RNLS: variants seen among roughly 807,000 people sequenced by gnomAD.
RNLS encodes the protein renalase, FAD dependent amine oxidase.
A neutral mutation model predicts 39.8 loss-of-function variants in RNLS; 39 were observed. That is an observed-to-expected ratio of 0.98 (90% CI 0.76 to 1.28). RNLS has a LOEUF of 1.28. Among genes scored for constraint, RNLS ranks in the 50% most tolerant of loss-of-function variants. RNLS has a pLI of 0.00. For synonymous variants in RNLS, 147 were observed against 150.7 expected (o/e 0.98, Z 0.18); for missense variants, 410 against 413.3 (o/e 0.99, Z 0.07).
the RNLS span, among the ~76,000 whole-genome samples, chr10:88,213,524 G>C: frequency 6.6e-6 from 1 of 151,830 alleles, no homozygotes; most frequent in Non-Finnish European, 1.5e-5. Flanking sequence ...TTCTGATCAG[G>C]GCAGATATAA....
In RNLS at chr10:88,409,924, G is replaced by A. The variant is rs114193365; in HGVS notation, c.527-47199C>T. Among the ~76,000 whole-genome samples the A allele has an allele frequency of 2.3e-3, 343 of 152,188 alleles. 3 individuals carry two copies. Among genetic ancestry groups the A allele is most frequent in the African/African-American group, 6.8e-3 (284 of 41,536 alleles). On this transcript the variant is annotated intron_variant, in intron 4 of 6. Transcript: ENST00000331772. ...GGTCAGGAAACTTTTTCTGTAAAGTGTCAGACAGCAAATACTTTAGGCATT... is the reference window on the plus strand; with the variant it reads ...GGTCAGGAAACTTTTTCTGTAAAGTATCAGACAGCAAATACTTTAGGCATT...
At chr10:88,341,069 A>C (rs1177045896) in intron 5 of RNLS, among the ~76,000 whole-genome samples, 2 of 146,914 alleles carry the variant, frequency 1.4e-5, no homozygotes, top group African/African-American at 2.5e-5. Context: ...AAAAAAAAAA[A>C]AACAAAAAAC....
intron 6 of RNLS, among the ~76,000 whole-genome samples, chr10:88,307,973 A>G (rs535882798): frequency 6.6e-6 from 1 of 152,340 alleles, no homozygotes; most frequent in South Asian, 2.1e-4. Context: ...AGAACTCAGA[A>G]ATAAGGCCAC....
At chr10:88,203,294 A>G in the RNLS span, among the ~76,000 whole-genome samples, 550 of 5,850 alleles carry the variant, frequency 0.094, 96 homozygotes, top group Non-Finnish European at 0.14. Flanking sequence ...ATATATACGT[A>G]TGTATATATA....
intron 4 of RNLS, among the ~76,000 whole-genome samples, chr10:88,455,143 A>G (rs1210938984): frequency 2.6e-5 from 4 of 152,216 alleles, no homozygotes; most frequent in Admixed American, 6.5e-5. Flanking sequence ...ACTAAGTACT[A>G]TGGAGCCACA....
chr10:88,263,556 T>C, the RNLS span, among the ~76,000 whole-genome samples: 20 of 152,190 alleles, frequency 1.3e-4, no homozygotes, highest in African/African-American at 4.3e-4. Context: ...TTTCTTTTTC[T>C]TGAAGAGGGT....
At chr10:88,509,161 C>T (rs10887831) in intron 4 of RNLS, among the ~76,000 whole-genome samples, 27,172 of 151,920 alleles carry the variant, frequency 0.18, 2,756 homozygotes, top group Middle Eastern at 0.28. Context: ...AATGTTATGA[C>T]GCTAATAAAA....
intron 6 of RNLS, among the ~76,000 whole-genome samples, chr10:88,289,131 A>T (rs543983966): frequency 5.9e-5 from 9 of 152,310 alleles, no homozygotes; most frequent in African/African-American, 2.2e-4. Context: ...TTAGGCGATA[A>T]CTGGACTGGG....
intron 4 of RNLS, among the ~76,000 whole-genome samples, chr10:88,404,584 G>T (rs1436864758): frequency 2.0e-5 from 3 of 152,038 alleles, no homozygotes; most frequent in Non-Finnish European, 2.9e-5. Context: ...TAAGTTAGAA[G>T]ATGAGGAAAA....
chr10:88,350,826 G>A (rs992797674), intron 5 of RNLS, among the ~76,000 whole-genome samples: 1 of 152,158 alleles, frequency 6.6e-6, no homozygotes, highest in African/African-American at 2.4e-5. Flanking sequence ...CACAAGGGTT[G>A]AACTAGTTTA....
At chr10:88,555,453 T>G (rs551050415) in intron 4 of RNLS, among the ~76,000 whole-genome samples, 2 of 152,046 alleles carry the variant, frequency 1.3e-5, no homozygotes, top group Non-Finnish European at 2.9e-5. Flanking sequence ...TGAGCTCACA[T>G]GACAGCTGGT....
At chr10:88,542,383 T>C (rs1848091899) in intron 4 of RNLS, among the ~76,000 whole-genome samples, 1 of 152,138 alleles carries the variant, frequency 6.6e-6, no homozygotes, top group Admixed American at 6.6e-5. Context: ...CTTGAAAAAA[T>C]ATACCCTTGT....
intron 4 of RNLS, among the ~76,000 whole-genome samples, chr10:88,421,104 C>T (rs1322642319): frequency 6.6e-6 from 1 of 152,202 alleles, no homozygotes; most frequent in African/African-American, 2.4e-5. Context: ...AGGAACAAGC[C>T]TATCACTCTC....
At chr10:88,391,414 C>T (rs1445833730) in intron 4 of RNLS, among the ~76,000 whole-genome samples, 3 of 151,960 alleles carry the variant, frequency 2.0e-5, no homozygotes, top group African/African-American at 2.4e-5. Flanking sequence ...AAAAATTAGC[C>T]GGGCATGGTG....
intron 5 of RNLS, among the ~76,000 whole-genome samples, chr10:88,334,383 C>A (rs536078033): frequency 6.6e-6 from 1 of 152,312 alleles, no homozygotes; most frequent in East Asian, 1.9e-4. Context: ...CTAGAAACAA[C>A]AATGCCAACC....
the RNLS span, among the ~76,000 whole-genome samples, chr10:88,255,196 A>G: frequency 6.6e-6 from 1 of 152,182 alleles, no homozygotes; most frequent in South Asian, 2.1e-4. Flanking sequence ...ATTTGTAAGA[A>G]TTCTCCTCTT....
the RNLS span, among the ~76,000 whole-genome samples, chr10:88,249,621 C>T: frequency 1.3e-5 from 2 of 152,092 alleles, no homozygotes; most frequent in African/African-American, 2.4e-5. Context: ...GGTGCCTGGG[C>T]TGGGATGACT....
At chr10:88,265,662 T>C in the RNLS span, among the ~76,000 whole-genome samples, 1 of 152,204 alleles carries the variant, frequency 6.6e-6, no homozygotes, top group Non-Finnish European at 1.5e-5. Flanking sequence ...TGGTCGCTGT[T>C]GGTGTATAGC....
the RNLS span, among the ~76,000 whole-genome samples, chr10:88,228,725 A>C: frequency 2.6e-5 from 4 of 152,112 alleles, no homozygotes. Flanking sequence ...CTATCTAACC[A>C]CATTATCTTT....
Sources: gnomAD v4.1 joint callset for allele counts (sites outside exome capture counted in the v4.1 genomes callset) on GRCh38, gnomAD v4.1.1 for gene constraint, MANE v1.5 for transcripts, NCBI Gene and HGNC (gene_info 2026-07-23, HGNC 2026-07-21) for gene names.